TRIO: variants seen among roughly 807,000 people sequenced by gnomAD.
TRIO encodes triple functional domain protein.
In TRIO, 58 loss-of-function variants were observed where a neutral mutation model predicts 351.9. The ratio of observed to expected loss-of-function variants is 0.16; its 90% CI spans 0.13 to 0.21. TRIO has a LOEUF of 0.21. Among genes scored for constraint, TRIO ranks in the 10% least tolerant of loss-of-function variants. The pLI, the probability that TRIO is intolerant of heterozygous loss-of-function variation, is 1.00. For missense variants in TRIO, 3,201 were observed against 4,027.8 expected (o/e 0.79, Z 5.56); for synonymous variants, 1,758 against 1,595.7 (o/e 1.10, Z -2.42).
chr5:14,325,653 CAGAGAGAGAA>C (rs1740316342), intron 9 of TRIO, among the ~76,000 whole-genome samples: 1 of 151,802 alleles, frequency 6.6e-6, no homozygotes, highest in South Asian at 2.1e-4. Context: ...CAAACCACAG[CAGAGAGAGAA>C]AGAGAGAGAG....
intron 3 of TRIO, among the ~76,000 whole-genome samples, chr5:14,281,436 C>A (rs990445662): frequency 2.4e-5 from 3 of 123,932 alleles, no homozygotes; most frequent in Non-Finnish European, 3.4e-5. Flanking sequence ...CCCCCCCCCC[C>A]GCCCCGTGAT....
At chr5:14,488,962 G>A in intron 48 of TRIO, 1 of 764,688 alleles carries the variant, frequency 1.3e-6, no homozygotes, top group South Asian at 1.3e-5. Context: ...TCAAGCACAA[G>A]GGTTGCTGTG....
Position 14,479,320 on chromosome 5 carries a change from T to G in TRIO, c.6213T>G (p.Ile2071Met). The change falls in exon 42 of 57, where the codon ATT (isoleucine) becomes ATG (methionine). Residue 2071 changes from isoleucine (I) to methionine (M), a missense_variant. By Grantham distance (10) the Ile-to-Met change is conservative. Around this residue, in one of 19 missense-constraint regions of TRIO, gnomAD observed 307 missense variants for 396.5 expected, o/e 0.77. Coordinates refer to ENST00000344204, the MANE Select transcript of TRIO (RefSeq NM_007118.4). ...AAAATAAACCAAAGTCTGAGCACAT[T>G]GTCTCAGAATACATTGATACCTTTT... ...YCQNKPKSEH[I>M]VSEYIDTFFE... is the part of the protein sequence containing the mutation. 6.2e-7 allele frequency: 1 copy of G among 1,613,810 alleles called. No individual in the cohort carries two copies. The highest frequency in any genetic ancestry group is 8.5e-7 in the Non-Finnish European group (1 of 1,179,854).
chr5:14,159,171 C>T (rs1187116438), intron 1 of TRIO, among the ~76,000 whole-genome samples: 1 of 152,200 alleles, frequency 6.6e-6, no homozygotes, highest in Non-Finnish European at 1.5e-5. Flanking sequence ...CACTCCCCCT[C>T]TCCCTTTTTT....
intron 1 of TRIO, among the ~76,000 whole-genome samples, chr5:14,228,731 G>GA (rs1427117784): frequency 6.6e-6 from 1 of 152,036 alleles, no homozygotes; most frequent in East Asian, 1.9e-4. Flanking sequence ...TTACTTGTTA[G>GA]AAAAAAAGGC....
At chr5:14,183,838 C>A in intron 1 of TRIO, 1 of 651,774 alleles carries the variant, frequency 1.5e-6, no homozygotes, top group South Asian at 1.5e-5. Flanking sequence ...GTTCTGGGAT[C>A]CTGAGGGACA....
chr5:14,418,072 A>G (rs1346966495), intron 33 of TRIO, among the ~76,000 whole-genome samples: 3 of 152,174 alleles, frequency 2.0e-5, no homozygotes, highest in African/African-American at 7.2e-5. Flanking sequence ...GTGTAACTCC[A>G]GCTGTGGCTC....
chr5:14,451,768 T>A (rs560536863), intron 34 of TRIO, among the ~76,000 whole-genome samples: 6 of 152,290 alleles, frequency 3.9e-5, no homozygotes, highest in Non-Finnish European at 8.8e-5. Flanking sequence ...CTTTAAATCC[T>A]TACAACTAGA....
chr5:14,161,069 C>T (rs164523), intron 1 of TRIO, among the ~76,000 whole-genome samples: 6,683 of 152,124 alleles, frequency 0.044, 520 homozygotes, highest in African/African-American at 0.15. Flanking sequence ...GCCACCACAC[C>T]CGGCTAATTT....
intron 1 of TRIO, among the ~76,000 whole-genome samples, chr5:14,233,754 A>T (rs1425763282): frequency 7.3e-6 from 1 of 136,182 alleles, no homozygotes; most frequent in East Asian, 2.4e-4. Context: ...TGCCCAGGCT[A>T]TTTTTTGTTT....
chr5:14,302,960 G>A (rs1738030692), intron 7 of TRIO, among the ~76,000 whole-genome samples: 1 of 152,264 alleles, frequency 6.6e-6, no homozygotes, highest in Non-Finnish European at 1.5e-5. Flanking sequence ...ATTTGGCAGT[G>A]ATTTCTCAGC....
rs30784 is a variant in TRIO, at chr5:14,366,731, T to C, written c.2755-129T>C. On this transcript the variant is annotated intron_variant, in intron 15 of 56. Transcript: ENST00000344204. ...GGCTGTTGCCTGGATTTTAGGATGA[T>C]GAAGGCATCAGTGCCTCGTACCTGC... is the stretch of plus-strand genomic sequence containing the variant. 0.84 allele frequency: 1,132,157 copies of C among 1,351,730 alleles called. 476,111 individuals carry two copies. The highest frequency in any genetic ancestry group is 0.93 in the African/African-American group (63,868 of 68,548). 83.7% of individuals were successfully genotyped at this position (1,351,730 alleles called of 1,614,324 possible). A position where few individuals can be genotyped will look rare whatever the true frequency, so the allele number is the denominator to read the frequency against.
intron 11 of TRIO, among the ~76,000 whole-genome samples, chr5:14,352,359 A>G (rs1296672754): frequency 2.6e-5 from 4 of 152,230 alleles, no homozygotes; most frequent in Non-Finnish European, 4.4e-5. Flanking sequence ...TCCATAGGAC[A>G]CAACTCTCTT....
Position 14,308,760 on chromosome 5 carries a change from A to G in TRIO, c.1500+4168A>G, listed in dbSNP as rs572584590. Among the ~76,000 whole-genome samples the G allele has an allele frequency of 6.2e-4, 56 of 90,804 alleles. No homozygotes were observed. In the East Asian group the frequency reaches 0.014, roughly 23 times the overall value. The allele number at this position is 90,804 out of a possible 152,430, so 59.6% of individuals were successfully genotyped here. On this transcript the variant is annotated intron_variant, in intron 8 of 56. Transcript: ENST00000344204. ...ATCCATCCATCCATCCATCCATCCA[A>G]TTACCCATCCATTCATCTATCCAAC... is the stretch of plus-strand genomic sequence containing the variant.
intron 14 of TRIO, 140 bp from the exon 15 acceptor site, chr5:14,364,510 T>C: frequency 9.9e-7 from 1 of 1,012,264 alleles, no homozygotes; most frequent in African/African-American, 1.6e-5. Context: ...TTTGCCCTCC[T>C]TGAACTTGCC....
Position 14,286,669 on chromosome 5 carries a change from A to G in TRIO, c.348-202A>G, listed in dbSNP as rs934056998. ...TCTTAACAGGTTTTGCAGGTTGAAC[A>G]TGAAGCGTGTATAGCCTGGGTCTCT... On this transcript the variant is annotated intron_variant, in intron 3 of 56. Coordinates refer to ENST00000344204, the MANE Select transcript of TRIO (RefSeq NM_007118.4). This position sits in a 1 kb window ranked among gnomAD's most constrained non-coding sequence, Gnocchi z 4.4. Among the ~76,000 whole-genome samples, 1 of 152,202 alleles carries G rather than the reference A, an allele frequency of 6.6e-6. No individual in the cohort carries two copies. The highest frequency in any genetic ancestry group is 6.5e-5 in the Admixed American group (1 of 15,286).
chr5:14,361,235 T>A (rs1422826358), intron 13 of TRIO, among the ~76,000 whole-genome samples: 1 of 152,212 alleles, frequency 6.6e-6, no homozygotes. Flanking sequence ...TTTTAATATT[T>A]AAAAAATTGT....
intron 18 of TRIO, among the ~76,000 whole-genome samples, chr5:14,369,907 A>G (rs1744930067): frequency 1.3e-5 from 2 of 152,160 alleles, no homozygotes; most frequent in African/African-American, 4.8e-5. Flanking sequence ...TTCATAGGGA[A>G]TGAAGATTGC....
intron 1 of TRIO, among the ~76,000 whole-genome samples, chr5:14,265,478 C>T (rs1056655850): frequency 1.3e-5 from 2 of 152,112 alleles, no homozygotes; most frequent in Admixed American, 1.3e-4. Context: ...ATTCATCTTT[C>T]TGCCAGTTAT....
Sources: allele counts gnomAD v4.1 joint callset (sites outside exome capture counted in the v4.1 genomes callset), GRCh38; gene constraint gnomAD v4.1.1; regional missense constraint gnomAD v4.1.1; non-coding constraint Gnocchi (gnomAD v3.1); transcripts MANE v1.5; gene names NCBI Gene and HGNC (gene_info 2026-07-23, HGNC 2026-07-21).